KLHL23: variants seen among roughly 807,000 people sequenced by gnomAD.
KLHL23 encodes the protein kelch-like protein 23.
KLHL23 carries 33 observed loss-of-function variants against 48.9 expected under a neutral mutation model. The observed-to-expected ratio is 0.67, with a 90% CI of 0.51 to 0.90. The LOEUF (loss-of-function observed/expected upper bound fraction) is 0.90, where lower values mean the gene tolerates loss of function less well. KLHL23 is among the 40% of genes least tolerant of loss of function. KLHL23 has a pLI of 0.00. For synonymous variants in KLHL23, 234 were observed against 231.6 expected, an observed-to-expected ratio of 1.01 and a Z score of -0.09; for missense variants, 608 against 669.6, an observed-to-expected ratio of 0.91 and a Z score of 1.02.
chr2:169,749,948 T>G lies in KLHL23; in HGVS notation c.*216T>G, dbSNP rs1574531891. The G allele has an allele frequency of 4.1e-6, 1 of 241,738 alleles. No individual in the cohort carries two copies. Among genetic ancestry groups the G allele is most frequent in the East Asian group, 6.2e-5 (1 of 16,164 alleles). 15.0% of individuals were successfully genotyped at this position (241,738 alleles called of 1,614,324 possible). A position where few individuals can be genotyped will look rare whatever the true frequency, so the allele number is the denominator to read the frequency against. ...ATATATATACACACACACATATATG[T>G]GTTCATATATATGTATACATATATA... On this transcript the variant is annotated 3_prime_UTR_variant, in exon 4 of 4. Coordinates refer to ENST00000392647, the MANE Select transcript of KLHL23 (RefSeq NM_144711.6).
chr2:169,734,924 T>C, intron 1 of KLHL23, 89 bp from the exon 2 acceptor site: 1 of 1,466,466 alleles, frequency 6.8e-7, no homozygotes, highest in Admixed American at 2.6e-5. Context: ...TTTTGGAGTA[T>C]ATCCGATGAT....
rs776497110 is a variant in KLHL23 at position 169,749,703 on chromosome 2, C to T, written c.1648C>T (p.His550Tyr). The change falls in exon 4 of 4, where the codon CAT becomes TAT. Residue 550 changes from histidine to tyrosine, a missense_variant. Physicochemically the swap from His to Tyr is moderately conservative, Grantham distance 83 (BLOSUM62 2). Transcript: ENST00000392647. The part of the protein sequence containing the change: ...VGNLPSAMRS[H>Y]GCVCVYNV ...TAATCTTCCCAGTGCCATGCGGTCT[C>T]ATGGGTGTGTTTGTGTGTATAATGT... 3 of 1,609,780 alleles carry T rather than the reference C, an allele frequency of 1.9e-6. No individual in the cohort carries two copies. Among genetic ancestry groups the T allele is most frequent in the Non-Finnish European group, 2.6e-6 (3 of 1,176,426 alleles).
At position 169,749,671 on chromosome 2, in the gene KLHL23, T is replaced by C; in HGVS notation, c.1616T>C (p.Ile539Thr). 2 of 1,613,892 alleles carry C rather than the reference T, an allele frequency of 1.2e-6. No individual in the cohort carries two copies. Among genetic ancestry groups the C allele is most frequent in the Non-Finnish European group, 1.7e-6 (2 of 1,179,912 alleles). ...GATCCAGATCTTAATAAGTGGGAAATAGTGGGTAATCTTCCCAGTGCCATG... is the reference window on the plus strand; with the variant it reads ...GATCCAGATCTTAATAAGTGGGAAACAGTGGGTAATCTTCCCAGTGCCATG... The part of the protein sequence containing the change: ...KYDPDLNKWE[I>T]VGNLPSAMRS... Residue 539 changes from isoleucine to threonine, a missense_variant, in exon 4 of 4, where the codon ATA becomes ACA. By Grantham distance (89) the Ile-to-Thr change is moderately conservative (BLOSUM62 -1). Around this residue, in one of 3 missense-constraint regions of KLHL23, gnomAD observed 179 missense variants for 169.9 expected, o/e 1.05. Coordinates refer to ENST00000392647, the MANE Select transcript of KLHL23 (RefSeq NM_144711.6).
chr2:169,740,817 G>A (rs1274154424), intron 2 of KLHL23, among the ~76,000 whole-genome samples: 5 of 125,048 alleles, frequency 4.0e-5, no homozygotes, highest in Admixed American at 2.5e-4. Context: ...TTTTTTACTC[G>A]TTAAACTTTT....
chr2:169,739,937 G>A (rs781565085), intron 2 of KLHL23, among the ~76,000 whole-genome samples: 2 of 152,112 alleles, frequency 1.3e-5, no homozygotes, highest in African/African-American at 4.8e-5. Context: ...GTAAGTCTTT[G>A]TGTATCTAAA....
chr2:169,749,409 T>G lies in KLHL23; in HGVS notation c.1367-13T>G. 6.4e-7 allele frequency: 1 copy of G among 1,563,110 alleles called. No homozygotes were observed. The highest frequency in any genetic ancestry group is 8.7e-7 in the Non-Finnish European group (1 of 1,155,888). On this transcript the variant is annotated splice_polypyrimidine_tract_variant and intron_variant, in intron 3 of 3. Transcript: ENST00000392647. ...TTTAAAAAAATGCTGTTTTCTTTTT[T>G]TCTTTTTAAAAGAATATGGATTGTG...
At chr2:169,738,377 G>T (rs1688565764) in intron 2 of KLHL23, among the ~76,000 whole-genome samples, 4 of 152,136 alleles carry the variant, frequency 2.6e-5, no homozygotes, top group Admixed American at 2.6e-4. Context: ...AAAGTGCGGG[G>T]ATTATAGGTG....
intron 3 of KLHL23, among the ~76,000 whole-genome samples, chr2:169,748,653 C>T (rs1162190147): frequency 1.8e-5 from 1 of 55,326 alleles, no homozygotes; most frequent in South Asian, 6.5e-4. Flanking sequence ...TTGTCACAGC[C>T]CTGGGAAGAA....
At chr2:169,739,852 T>C (rs1688632031) in intron 2 of KLHL23, among the ~76,000 whole-genome samples, 1 of 152,240 alleles carries the variant, frequency 6.6e-6, no homozygotes, top group Admixed American at 6.5e-5. Flanking sequence ...CTGTGTGGTA[T>C]AGCCTGTTAC....
intron 3 of KLHL23, among the ~76,000 whole-genome samples, chr2:169,742,397 G>T (rs909484034): frequency 6.6e-6 from 1 of 152,170 alleles, no homozygotes; most frequent in African/African-American, 2.4e-5. Context: ...CTGTGAGCAG[G>T]TATTGTTTGT....
chr2:169,750,779 CTG>C lies in KLHL23; in HGVS notation c.*1049_*1050del, dbSNP rs1464837360. On this transcript the variant is annotated 3_prime_UTR_variant, in exon 4 of 4. Coordinates refer to ENST00000392647, the MANE Select transcript of KLHL23 (RefSeq NM_144711.6). The stretch of plus-strand genomic sequence containing the variant: ...GTCAAATATTTGTTTATGCTAAGAA[CTG>C]TTTTTAATTTTCAGCTTTGATGTAA... 6.6e-6 allele frequency: 1 copy of C among 152,148 alleles called. No individual in the cohort carries two copies. Among genetic ancestry groups the C allele is most frequent in the African/African-American group, 2.4e-5 (1 of 41,444 alleles). 9.4% of individuals were successfully genotyped at this position (152,148 alleles called of 1,614,324 possible). A position where few individuals can be genotyped will look rare whatever the true frequency, so the allele number is the denominator to read the frequency against.
chr2:169,750,017 A>ATGTATACATATATGTGTATATATACGTG lies in KLHL23; in HGVS notation c.*290_*291insACATATATGTGTATATATACGTGTGTAT, dbSNP rs1688918909. 2.5e-5 allele frequency: 1 copy of ATGTATACATATATGTGTATATATACGTG among 40,716 alleles called. No homozygotes were observed. The highest frequency in any genetic ancestry group is 1.2e-4 in the African/African-American group (1 of 8,100). The allele number at this position is 40,716 out of a possible 1,614,324, so 2.5% of individuals were successfully genotyped here. ...TATACATATATGTGTATATATACGT[A>ATGTATACATATATGTGTATATATACGTG]TGTATGTATACATATGTGTATATAT... On this transcript the variant is annotated 3_prime_UTR_variant, in exon 4 of 4. Transcript: ENST00000392647.
intron 2 of KLHL23, among the ~76,000 whole-genome samples, chr2:169,739,014 C>G (rs1688607732): frequency 1.2e-5 from 1 of 82,244 alleles, no homozygotes; most frequent in Non-Finnish European, 2.4e-5. Flanking sequence ...CCTCCCCCAT[C>G]TCCTCTCCCT....
intron 3 of KLHL23, among the ~76,000 whole-genome samples, chr2:169,744,782 C>G (rs1288955701): frequency 2.0e-5 from 3 of 152,062 alleles, no homozygotes; most frequent in African/African-American, 4.8e-5. Context: ...TGGTCTCAAA[C>G]TCCTGACCTT....
chr2:169,741,067 A>G (rs75829272), intron 2 of KLHL23: 315 of 189,856 alleles, frequency 1.7e-3, no homozygotes, highest in African/African-American at 6.9e-3. Context: ...GCATCACCAG[A>G]AACACATGAG....
chr2:169,741,500 C>G lies in KLHL23; in HGVS notation c.1329C>G (p.Ile443Met). 1 of 1,613,942 alleles carries G rather than the reference C, an allele frequency of 6.2e-7. No individual in the cohort carries two copies. The highest frequency in any genetic ancestry group is 8.5e-7 in the Non-Finnish European group (1 of 1,179,908). Residue 443 changes from isoleucine to methionine, a missense_variant, in exon 3 of 4, where the codon ATC (isoleucine) becomes ATG (methionine). Coordinates refer to ENST00000392647, the MANE Select transcript of KLHL23 (RefSeq NM_144711.6). ...AAGTTCAGAGCTACAATTCCGATAT[C>G]AACGAATGGAGCCTCATCACCTCCA... ...YDKVQSYNSD[I>M]NEWSLITSSP...
At chr2:169,748,034 G>A (rs1217317274) in intron 3 of KLHL23, among the ~76,000 whole-genome samples, 1 of 152,178 alleles carries the variant, frequency 6.6e-6, no homozygotes, top group Non-Finnish European at 1.5e-5. Context: ...TGAGATGGGA[G>A]GATTACTTGA....
intron 2 of KLHL23, 177 bp from the exon 3 acceptor site, chr2:169,741,208 C>G (rs1259008900): frequency 8.7e-6 from 6 of 685,952 alleles, no homozygotes; most frequent in Non-Finnish European, 1.1e-5. Flanking sequence ...ACGTCTCACC[C>G]TCTCTTAAGA....
Position 169,749,848 on chromosome 2 carries a change from C to A in KLHL23, c.*116C>A. On this transcript the variant is annotated 3_prime_UTR_variant, in exon 4 of 4. Coordinates refer to ENST00000392647, the MANE Select transcript of KLHL23 (RefSeq NM_144711.6). ...TTGTGTCTGGCACATGATAGGGGAT[C>A]AGTAAATTGTAATTCCTAACCCTAC... 5 of 1,288,610 alleles carry A rather than the reference C, an allele frequency of 3.9e-6. No homozygotes were observed. Among genetic ancestry groups the A allele is most frequent in the Non-Finnish European group, 5.2e-6 (5 of 954,240 alleles). 79.8% of individuals were successfully genotyped at this position (1,288,610 alleles called of 1,614,324 possible). A position where few individuals can be genotyped will look rare whatever the true frequency, so the allele number is the denominator to read the frequency against.
Sources: allele counts gnomAD v4.1 joint callset (sites outside exome capture counted in the v4.1 genomes callset), GRCh38; gene constraint gnomAD v4.1.1; regional missense constraint gnomAD v4.1.1; transcripts MANE v1.5; gene names NCBI Gene and HGNC (gene_info 2026-07-23, HGNC 2026-07-21).